Variants in PLXNA4 observed in about 807,000 individuals in gnomAD.
PLXNA4 encodes the protein plexin A4.
Under a neutral mutation model 191.8 loss-of-function variants are expected in PLXNA4, and 44 were observed. That is an observed-to-expected ratio of 0.23 (90% CI 0.18 to 0.29). PLXNA4 has a LOEUF of 0.29. Ranked by LOEUF, PLXNA4 falls within the 10% of genes least tolerant of loss-of-function variation. PLXNA4 has a pLI of 1.00. For missense variants in PLXNA4, 1,800 were observed against 2,488.8 expected (o/e 0.72, Z 5.89); for synonymous variants, 1,082 against 1,009.5 (o/e 1.07, Z -1.36).
intron 2 of PLXNA4, among the ~76,000 whole-genome samples, chr7:132,592,157 A>G (rs1460464366): frequency 1.3e-5 from 2 of 152,082 alleles, no homozygotes; most frequent in African/African-American, 4.8e-5. Context: ...CTCCCTGGGA[A>G]CCCTGCCTCC....
At chr7:132,462,795 T>C (rs1796559791) in intron 3 of PLXNA4, among the ~76,000 whole-genome samples, 1 of 151,770 alleles carries the variant, frequency 6.6e-6, no homozygotes, top group Admixed American at 6.6e-5. Flanking sequence ...TTCTTGTTTA[T>C]TCTTGTTTTA....
intron 3 of PLXNA4, among the ~76,000 whole-genome samples, chr7:132,338,454 C>G (rs1476922394): frequency 6.6e-6 from 1 of 152,206 alleles, no homozygotes; most frequent in Non-Finnish European, 1.5e-5. Context: ...TCAAAGCCAG[C>G]CAACTATTAA....
At chr7:132,311,193 T>TGTGTGTGTGTGCGC (rs71178034) in intron 3 of PLXNA4, among the ~76,000 whole-genome samples, 1,042 of 89,868 alleles carry the variant, frequency 0.012, 15 homozygotes, top group Non-Finnish European at 0.016. Context: ...TGTGTGTGTG[T>TGTGTGTGTGTGCGC]GCGCGTGTGG....
chr7:132,282,323 A>G (rs1226538096), intron 4 of PLXNA4, among the ~76,000 whole-genome samples: 1 of 152,164 alleles, frequency 6.6e-6, no homozygotes, highest in Non-Finnish European at 1.5e-5. Flanking sequence ...CTGCAATCCC[A>G]GCACTTTGGG....
chr7:132,342,664 A>G (rs1331432533), intron 3 of PLXNA4, among the ~76,000 whole-genome samples: 1 of 152,112 alleles, frequency 6.6e-6, no homozygotes, highest in East Asian at 1.9e-4. Context: ...TATTTACACG[A>G]GGCCAGGCAT....
chr7:132,131,438 G>GC (rs976673200), intron 31 of PLXNA4, among the ~76,000 whole-genome samples: 2 of 152,032 alleles, frequency 1.3e-5, no homozygotes, highest in African/African-American at 2.4e-5. Context: ...CACAAGGCCT[G>GC]CCCCCCGAGA....
chr7:132,326,582 G>A (rs556420793), intron 3 of PLXNA4, among the ~76,000 whole-genome samples: 18 of 152,172 alleles, frequency 1.2e-4, no homozygotes, highest in East Asian at 1.2e-3. Flanking sequence ...TGCTCTGCCC[G>A]CTTGGATGCT....
chr7:132,596,434 C>T (rs566135378), intron 2 of PLXNA4, among the ~76,000 whole-genome samples: 27 of 152,182 alleles, frequency 1.8e-4, no homozygotes, highest in African/African-American at 5.8e-4. Flanking sequence ...AGCCCCAGGA[C>T]GCTGGAGAAC....
At chr7:132,184,658 C>T (rs1796817587) in intron 16 of PLXNA4, among the ~76,000 whole-genome samples, 1 of 152,164 alleles carries the variant, frequency 6.6e-6, no homozygotes, top group Non-Finnish European at 1.5e-5. Context: ...AAGTCCCTGC[C>T]CTAGGGCCTT....
intron 9 of PLXNA4, among the ~76,000 whole-genome samples, chr7:132,217,230 T>C (rs1413885071): frequency 1.3e-5 from 2 of 152,226 alleles, no homozygotes; most frequent in Non-Finnish European, 2.9e-5. Flanking sequence ...AAAGCGAGAA[T>C]GATGACTTTC....
chr7:132,133,696 A>T (rs1311059681), intron 30 of PLXNA4, among the ~76,000 whole-genome samples: 2 of 152,190 alleles, frequency 1.3e-5, no homozygotes, highest in Non-Finnish European at 1.5e-5. Flanking sequence ...GTAGAAGGCA[A>T]TCAGTCACTG....
chr7:132,579,721 C>G (rs372236736), upstream of PLXNA4, among the ~76,000 whole-genome samples: 1 of 152,208 alleles, frequency 6.6e-6, no homozygotes, highest in Admixed American at 6.5e-5. Context: ...AGGGGCCCAG[C>G]GAGCTCTCCC....
At chr7:132,243,955 C>A (rs868090281) in intron 4 of PLXNA4, among the ~76,000 whole-genome samples, 26 of 152,088 alleles carry the variant, frequency 1.7e-4, no homozygotes, top group South Asian at 1.0e-3. Flanking sequence ...ATGATATTTG[C>A]CCCTAAGCCA....
chr7:132,283,080 A>G (rs1459478992), intron 4 of PLXNA4, among the ~76,000 whole-genome samples: 2 of 152,128 alleles, frequency 1.3e-5, no homozygotes, highest in African/African-American at 4.8e-5. Flanking sequence ...CACGTTGCCC[A>G]GGCTGGCCTT....
chr7:132,488,642 C>A (rs893571426), intron 3 of PLXNA4, among the ~76,000 whole-genome samples: 1 of 152,162 alleles, frequency 6.6e-6, no homozygotes, highest in African/African-American at 2.4e-5. Context: ...CATCCCTGGG[C>A]GGATGACTGC....
rs1418923770 is a variant in PLXNA4, at chr7:132,508,838, C to T, written c.-86-59G>A. 2.2e-6 allele frequency: 3 copies of T among 1,391,034 alleles called. No homozygotes were observed. Among genetic ancestry groups the T allele is most frequent in the African/African-American group, 1.5e-5 (1 of 68,696 alleles). The allele number at this position is 1,391,034 out of a possible 1,614,324, so 86.2% of individuals were successfully genotyped here. A position where few individuals can be genotyped will look rare whatever the true frequency, so the allele number is the denominator to read the frequency against. ...ATGCCAGTGGCTTCATTTCACCCCA[C>T]AGCTTGTCTGCCTGGACTTTCAAAA... On this transcript the variant is annotated intron_variant, in intron 1 of 31. Coordinates refer to ENST00000321063, the MANE Select transcript of PLXNA4 (RefSeq NM_020911.2). The surrounding 1 kb of genome is among the most constrained non-coding windows in gnomAD (Gnocchi z 4.4).
At chr7:132,539,921 C>A (rs1419657995) in intron 1 of PLXNA4, among the ~76,000 whole-genome samples, 1 of 152,180 alleles carries the variant, frequency 6.6e-6, no homozygotes, top group Non-Finnish European at 1.5e-5. Context: ...GAGAACAGAG[C>A]AGTGTTAACT....
At chr7:132,351,455 G>C (rs1772618845) in intron 3 of PLXNA4, among the ~76,000 whole-genome samples, 1 of 152,134 alleles carries the variant, frequency 6.6e-6, no homozygotes, top group Admixed American at 6.5e-5. Flanking sequence ...GATAAGACTT[G>C]CCCATGGCTG....
At chr7:132,374,653 C>T (rs1266864986) in intron 3 of PLXNA4, among the ~76,000 whole-genome samples, 1 of 152,144 alleles carries the variant, frequency 6.6e-6, no homozygotes, top group Non-Finnish European at 1.5e-5. Context: ...CTTGTTGAAC[C>T]CTCGAATGCT....
Sources: gnomAD v4.1 joint callset for allele counts (sites outside exome capture counted in the v4.1 genomes callset) on GRCh38, gnomAD v4.1.1 for gene constraint, Gnocchi (gnomAD v3.1) non-coding constraint, MANE v1.5 for transcripts, NCBI Gene and HGNC (gene_info 2026-07-23, HGNC 2026-07-21) for gene names.